The following MYO9B variants were observed in gnomAD, a reference collection of about 807,000 sequenced individuals.
MYO9B encodes the protein myosin IXB.
Under a neutral mutation model 229.5 loss-of-function variants are expected in MYO9B, and 71 were observed. The observed-to-expected ratio is 0.31, with a 90% confidence interval of 0.26 to 0.38. The LOEUF is 0.38. Ranked by LOEUF, MYO9B falls within the 10% of genes least tolerant of loss-of-function variation. The pLI is 1.00. For synonymous variants in MYO9B, 1,185 were observed against 1,235.8 expected, an observed-to-expected ratio of 0.96 and a Z score of 0.86; for missense variants, 2,255 against 2,920.5, an observed-to-expected ratio of 0.77 and a Z score of 5.25.
At chr19:17,164,278 G>C (rs561590747) in intron 10 of MYO9B, among the ~76,000 whole-genome samples, 1 of 152,218 alleles carries the variant, frequency 6.6e-6, no homozygotes, top group Non-Finnish European at 1.5e-5. Context: ...CACAGTTCAT[G>C]TGGGGGCTTC....
intron 2 of MYO9B, among the ~76,000 whole-genome samples, chr19:17,120,661 A>T (rs1055276499): frequency 1.5e-3 from 213 of 143,980 alleles, no homozygotes; most frequent in African/African-American, 5.5e-3. Flanking sequence ...AAAAAAAAAA[A>T]AGATAGATAG....
At chr19:17,082,169 G>A (rs1241417043) in intron 1 of MYO9B, among the ~76,000 whole-genome samples, 1 of 152,220 alleles carries the variant, frequency 6.6e-6, no homozygotes, top group African/African-American at 2.4e-5. Flanking sequence ...GGGAGACTGA[G>A]GAGAACAGAA....
chr19:17,144,969 CAAAAAAAAAA>C (rs58527501), intron 2 of MYO9B, among the ~76,000 whole-genome samples: 13 of 83,586 alleles, frequency 1.6e-4, no homozygotes, highest in African/African-American at 3.2e-4. Context: ...GACTTCATCT[CAAAAAAAAAA>C]AAAAAAAAAA....
chr19:17,201,206 C>T (rs373758455), intron 26 of MYO9B, among the ~76,000 whole-genome samples: 369 of 152,308 alleles, frequency 2.4e-3, no homozygotes, highest in African/African-American at 8.3e-3. Flanking sequence ...GCACTCCAGC[C>T]TGGGTGACAG....
intron 2 of MYO9B, among the ~76,000 whole-genome samples, chr19:17,136,827 C>T (rs2145197663): frequency 6.6e-6 from 1 of 152,282 alleles, no homozygotes; most frequent in South Asian, 2.1e-4. Context: ...CCCAGTGGCT[C>T]ACACCTGTAA....
chr19:17,133,909 C>G (rs1343667420), intron 2 of MYO9B, among the ~76,000 whole-genome samples: 1 of 152,118 alleles, frequency 6.6e-6, no homozygotes, highest in Non-Finnish European at 1.5e-5. Flanking sequence ...TATAGGCACC[C>G]GCCACCACGC....
Position 17,177,286 on chromosome 19 carries a change from GT to G in MYO9B, c.2219+1560del, listed in dbSNP as rs796290437. ...ATTCCTCTGTTGTTTTTGTTTGTTG[GT>G]TTTTTTTTTTTTTTGGTCCCCCAAG... is the stretch of plus-strand genomic sequence containing the variant. On this transcript the variant is annotated intron_variant, in intron 14 of 39. Transcript: ENST00000682292. Among the ~76,000 whole-genome samples, 774 of 132,648 alleles carry G rather than the reference GT, an allele frequency of 5.8e-3. 3 individuals are homozygous for G. The highest frequency in any genetic ancestry group is 0.023 in the Middle Eastern group (6 of 262). The allele number at this position is 132,648 out of a possible 152,430, so 87.0% of individuals were successfully genotyped here.
chr19:17,134,377 G>GTTTTTTTT (rs1568267173), intron 2 of MYO9B, among the ~76,000 whole-genome samples: 10 of 39,732 alleles, frequency 2.5e-4, no homozygotes, highest in African/African-American at 9.5e-4. Flanking sequence ...TTTTCGTTTT[G>GTTTTTTTT]TTTGTTTTTT....
chr19:17,152,201 A>AT (rs2072485258), intron 3 of MYO9B, among the ~76,000 whole-genome samples: 1 of 150,578 alleles, frequency 6.6e-6, no homozygotes, highest in Non-Finnish European at 1.5e-5. Flanking sequence ...AAAAAAAAAA[A>AT]CCCACAAGGA....
At chr19:17,188,856 T>A (rs1300523877) in intron 19 of MYO9B, among the ~76,000 whole-genome samples, 1 of 151,846 alleles carries the variant, frequency 6.6e-6, no homozygotes, top group Non-Finnish European at 1.5e-5. Flanking sequence ...CTGCAAAAAA[T>A]TTAAAAATCA....
At chr19:17,099,723 CAGG>C (rs1370146264) in intron 1 of MYO9B, among the ~76,000 whole-genome samples, 1 of 148,650 alleles carries the variant, frequency 6.7e-6, no homozygotes, top group Non-Finnish European at 1.5e-5. Flanking sequence ...GAGGCTGAGG[CAGG>C]AGAATGGCGT....
At chr19:17,190,577 G>T (rs1033852194) in intron 19 of MYO9B, among the ~76,000 whole-genome samples, 3 of 149,650 alleles carry the variant, frequency 2.0e-5, no homozygotes, top group Non-Finnish European at 4.4e-5. Context: ...GGTCAAGGCT[G>T]CAGTGAGCTG....
At chr19:17,192,247 C>T (rs939164731) in intron 20 of MYO9B, among the ~76,000 whole-genome samples, 8 of 147,446 alleles carry the variant, frequency 5.4e-5, no homozygotes, top group African/African-American at 1.7e-4. Flanking sequence ...GAGCTGAGAT[C>T]GGGCCACTGC....
intron 2 of MYO9B, among the ~76,000 whole-genome samples, chr19:17,104,866 G>C (rs901701210): frequency 3.9e-5 from 6 of 152,092 alleles, no homozygotes; most frequent in African/African-American, 1.4e-4. Flanking sequence ...TTTTGCATTC[G>C]TGTGGTGTGT....
intron 24 of MYO9B, among the ~76,000 whole-genome samples, chr19:17,199,696 T>C (rs886936194): frequency 5.6e-5 from 4 of 71,468 alleles, no homozygotes; most frequent in East Asian, 9.6e-4. Flanking sequence ...TTTTCTTTTT[T>C]TTTCTTTTTT....
intron 2 of MYO9B, among the ~76,000 whole-genome samples, chr19:17,120,038 C>T (rs1176673178): frequency 6.6e-6 from 1 of 152,218 alleles, no homozygotes; most frequent in Non-Finnish European, 1.5e-5. Context: ...CTGGCGCATG[C>T]CTGTAGTCCC....
At chr19:17,198,136 A>G in intron 23 of MYO9B, 48 bp from the exon 24 acceptor site, 1 of 1,610,128 alleles carries the variant, frequency 6.2e-7, no homozygotes, top group Non-Finnish European at 8.5e-7. Context: ...CATCTAGCAC[A>G]GGACTGCCAG....
intron 1 of MYO9B, among the ~76,000 whole-genome samples, chr19:17,082,947 A>G (rs1037294918): frequency 6.6e-6 from 1 of 151,402 alleles, no homozygotes; most frequent in Admixed American, 6.6e-5. Flanking sequence ...CCTGCAGCCA[A>G]GTGAGCGTGG....
chr19:17,121,723 C>T (rs186559126), intron 2 of MYO9B, among the ~76,000 whole-genome samples: 112 of 152,270 alleles, frequency 7.4e-4, no homozygotes, highest in African/African-American at 2.6e-3. Flanking sequence ...CGGTGGCTCA[C>T]GCCGATAATT....
Sources: gnomAD v4.1 joint callset for allele counts (sites outside exome capture counted in the v4.1 genomes callset) on GRCh38, gnomAD v4.1.1 for gene constraint, MANE v1.5 for transcripts, NCBI Gene and HGNC (gene_info 2026-07-23, HGNC 2026-07-21) for gene names.